Variants in CFAP58 observed in about 807,000 individuals in gnomAD.
CFAP58 encodes the protein cilia and flagella associated protein 58, also known as cilia- and flagella-associated protein 58.
Under a neutral mutation model 119.5 loss-of-function variants are expected in CFAP58, and 88 were observed. The observed-to-expected ratio is 0.74, with a 90% confidence interval of 0.62 to 0.88. The LOEUF is 0.88. CFAP58 is among the 40% of genes least tolerant of loss of function. CFAP58 has a pLI of 0.00. For missense variants in CFAP58, 990 were observed against 1,021.2 expected, an observed-to-expected ratio of 0.97 and a Z score of 0.42; for synonymous variants, 365 against 366.3, an observed-to-expected ratio of 1.00 and a Z score of 0.04.
At chr10:104,348,789 C>T in the CFAP58 span, among the ~76,000 whole-genome samples, 9 of 152,320 alleles carry the variant, frequency 5.9e-5, no homozygotes, top group African/African-American at 1.2e-4. Context: ...GCCATGTCTA[C>T]CATGTACCTT....
chr10:104,386,377 CAAAAAAAA>C (rs71482427), intron 9 of CFAP58, among the ~76,000 whole-genome samples: 2 of 133,440 alleles, frequency 1.5e-5, no homozygotes, highest in African/African-American at 5.4e-5. Context: ...ACCACCATCT[CAAAAAAAA>C]AAAAATAAAT....
intron 9 of CFAP58, among the ~76,000 whole-genome samples, chr10:104,391,669 C>T (rs969172354): frequency 1.3e-5 from 2 of 152,150 alleles, no homozygotes; most frequent in Non-Finnish European, 2.9e-5. Context: ...TCTTGCATCC[C>T]GCCTTTCCTG....
chr10:104,364,173 G>T (rs2014708908), intron 3 of CFAP58, among the ~76,000 whole-genome samples: 1 of 152,068 alleles, frequency 6.6e-6, no homozygotes, highest in Non-Finnish European at 1.5e-5. Context: ...ATATTATTTT[G>T]TTCTGTTTAT....
At chr10:104,390,423 A>C (rs1393011633) in intron 9 of CFAP58, among the ~76,000 whole-genome samples, 1 of 152,232 alleles carries the variant, frequency 6.6e-6, no homozygotes, top group Non-Finnish European at 1.5e-5. Context: ...AAAGCCAAAC[A>C]GAAAACAAAC....
chr10:104,396,790 G>A (rs922395256), intron 11 of CFAP58, among the ~76,000 whole-genome samples: 9 of 152,208 alleles, frequency 5.9e-5, no homozygotes, highest in African/African-American at 2.2e-4. Flanking sequence ...GTTGCTTGAT[G>A]AGCTTTTGAA....
chr10:104,338,667 T>C, the CFAP58 span, among the ~76,000 whole-genome samples: 5 of 151,946 alleles, frequency 3.3e-5, no homozygotes. Flanking sequence ...ATCAGGCCAG[T>C]GGAGTAAACT....
rs766034475 is a variant in CFAP58, at chr10:104,392,364, T to G, written c.1497T>G (p.Asn499Lys). ...NLYEAVRSDR[N>K]LYSKNLVEAQ... ...ATGAAGCTGTGAGATCAGACAGAAA[T>G]CTGTATAGCAAAAATCTGGTTGAGG... The change falls in exon 10 of 18, where the codon AAT (asparagine) becomes AAG (lysine). Residue 499 changes from asparagine to lysine, a missense_variant. Asn to Lys is a moderately conservative substitution (Grantham distance 94, BLOSUM62 0). Coordinates refer to ENST00000369704, the MANE Select transcript of CFAP58 (RefSeq NM_001008723.2). 6.2e-7 allele frequency: 1 copy of G among 1,602,310 alleles called. No homozygotes were observed. The highest frequency in any genetic ancestry group is 1.1e-5 in the South Asian group (1 of 88,424).
chr10:104,431,764 C>T (rs1304158339), intron 15 of CFAP58, among the ~76,000 whole-genome samples: 1 of 152,150 alleles, frequency 6.6e-6, no homozygotes, highest in Non-Finnish European at 1.5e-5. Flanking sequence ...TGTGCTTTTA[C>T]TGCAAATAGA....
intron 5 of CFAP58, among the ~76,000 whole-genome samples, chr10:104,368,222 G>C (rs1018986787): frequency 3.3e-5 from 5 of 152,190 alleles, no homozygotes; most frequent in Non-Finnish European, 7.3e-5. Flanking sequence ...TCATTAGAAG[G>C]CATCATTTTC....
chr10:104,404,598 G>T (rs1360335726), intron 14 of CFAP58, among the ~76,000 whole-genome samples: 3 of 152,066 alleles, frequency 2.0e-5, no homozygotes, highest in African/African-American at 7.2e-5. Context: ...CAGCCAGGGA[G>T]ATTTTTGTTT....
At chr10:104,381,762 C>T (rs897335865) in intron 9 of CFAP58, among the ~76,000 whole-genome samples, 6 of 152,124 alleles carry the variant, frequency 3.9e-5, no homozygotes, top group South Asian at 2.1e-4. Context: ...GCCTTGCAGA[C>T]GCTTTGGGAA....
intron 15 of CFAP58, among the ~76,000 whole-genome samples, chr10:104,430,808 G>A (rs1194436336): frequency 2.0e-5 from 3 of 152,032 alleles, no homozygotes; most frequent in Non-Finnish European, 4.4e-5. Context: ...AAATAATCAG[G>A]TAAAATTAAT....
chr10:104,438,341 GTTTTTTGTTTTTTTTTTTTGTTTTTT>G (rs770308999), intron 15 of CFAP58, among the ~76,000 whole-genome samples: 1,018 of 101,292 alleles, frequency 0.01, 33 homozygotes, highest in African/African-American at 0.042. Flanking sequence ...TTTGTTTTTT[GTTTTTTGTTTTTTTTTTTTGTTTTTT>G]TTTTTTGTTT....
chr10:104,342,266 A>G, the CFAP58 span, among the ~76,000 whole-genome samples: 1 of 152,146 alleles, frequency 6.6e-6, no homozygotes, highest in Non-Finnish European at 1.5e-5. Flanking sequence ...AACATTGGCT[A>G]TTTTCTATTA....
In CFAP58 at chr10:104,357,886, T is replaced by C. The variant is rs567190865; in HGVS notation, c.10-455T>C. 4.8e-3 allele frequency among the ~76,000 whole-genome samples: 580 copies of C among 121,446 alleles called. 40 individuals are homozygous for C. The highest frequency in any genetic ancestry group is 0.02 in the African/African-American group (503 of 24,622). 79.7% of individuals were successfully genotyped at this position (121,446 alleles called of 152,430 possible). ...ATATATACACATATATGTACACATA[T>C]ATAAACATATATGTACACATATACA... On this transcript the variant is annotated intron_variant, in intron 1 of 17. Coordinates refer to ENST00000369704, the MANE Select transcript of CFAP58 (RefSeq NM_001008723.2).
chr10:104,358,692 T>C (rs1447735489), intron 2 of CFAP58, 70 bp downstream of exon 2: 2 of 1,391,784 alleles, frequency 1.4e-6, no homozygotes, highest in Admixed American at 4.4e-5. Flanking sequence ...TTGGCACCTC[T>C]AGGCTGGTAG....
In CFAP58 at chr10:104,376,860, C is replaced by T. The variant is rs770129739; in HGVS notation, c.1140C>T (p.Asp380=). Residue 380 remains aspartate, a synonymous_variant, in exon 8 of 18, where the codon GAC becomes GAT. Coordinates refer to ENST00000369704, the MANE Select transcript of CFAP58 (RefSeq NM_001008723.2). ...CAGAACTTGACAGAAAGGCAATGGACGAGCTTCTAAGAGAAAGGGACATAC... is the reference window on the plus strand; with the variant it reads ...CAGAACTTGACAGAAAGGCAATGGATGAGCTTCTAAGAGAAAGGGACATAC... The part of the protein sequence containing the change: ...KQAELDRKAM[D]ELLRERDILN... The T allele has an allele frequency of 7.7e-5, 124 of 1,613,206 alleles. No individual in the cohort carries two copies. Among genetic ancestry groups the T allele is most frequent in the East Asian group, 1.8e-4 (8 of 44,830 alleles).
At chr10:104,349,932 G>A (rs2135232260), upstream of CFAP58, among the ~76,000 whole-genome samples, 1 of 152,358 alleles carries the variant, frequency 6.6e-6, no homozygotes, top group South Asian at 2.1e-4. Context: ...GAAAGAGCAT[G>A]GCTACCCAGG....
intron 17 of CFAP58, 51 bp downstream of exon 17, chr10:104,450,255 A>T: frequency 6.3e-7 from 1 of 1,585,672 alleles, no homozygotes; most frequent in Non-Finnish European, 8.6e-7. Context: ...ATCTGCACAT[A>T]AGAAAATATT....
Sources: allele counts gnomAD v4.1 joint callset (sites outside exome capture counted in the v4.1 genomes callset), GRCh38; gene constraint gnomAD v4.1.1; transcripts MANE v1.5; gene names NCBI Gene and HGNC (gene_info 2026-07-23, HGNC 2026-07-21).